Variants in C12orf42 observed in about 807,000 individuals in gnomAD.
C12orf42 encodes the protein chromosome 12 open reading frame 42, also known as uncharacterized protein C12orf42.
A neutral mutation model predicts 21.6 loss-of-function variants in C12orf42; 25 were observed. That is an observed-to-expected ratio of 1.16 (90% CI 0.84 to 1.62). C12orf42 has a LOEUF of 1.62. Among genes scored for constraint, C12orf42 ranks in the 40% most tolerant of loss-of-function variants. The pLI is 0.00. For synonymous variants in C12orf42, 174 were observed against 175.0 expected, an observed-to-expected ratio of 0.99 and a Z score of 0.05; for missense variants, 483 against 459.3, an observed-to-expected ratio of 1.05 and a Z score of -0.47.
chr12:103,216,771 A>G, the C12orf42 span, among the ~76,000 whole-genome samples: 1 of 152,152 alleles, frequency 6.6e-6, no homozygotes, highest in Non-Finnish European at 1.5e-5. Context: ...CCCAGAGATC[A>G]TGTCCATTCC....
At chr12:103,200,657 G>T in the C12orf42 span, among the ~76,000 whole-genome samples, 1 of 152,226 alleles carries the variant, frequency 6.6e-6, no homozygotes, top group African/African-American at 2.4e-5. Context: ...ATTATTTAAT[G>T]CAGTAAACAT....
the C12orf42 span, among the ~76,000 whole-genome samples, chr12:103,210,102 A>G: frequency 1.6e-4 from 24 of 148,882 alleles, no homozygotes; most frequent in Non-Finnish European, 2.8e-4. Context: ...GACATTTTCT[A>G]TTGTGTTTCT....
the C12orf42 span, among the ~76,000 whole-genome samples, chr12:103,218,639 G>A: frequency 1.3e-5 from 2 of 152,246 alleles, no homozygotes; most frequent in Non-Finnish European, 1.5e-5. Flanking sequence ...TTGAATTGTG[G>A]AGTCAGGCTG....
chr12:103,448,995 A>G (rs10861017), intron 2 of C12orf42, among the ~76,000 whole-genome samples: 123,899 of 151,848 alleles, frequency 0.82, 50,697 homozygotes, highest in Admixed American at 0.87. Flanking sequence ...ACTTGCACAC[A>G]CATGTTTATA....
At chr12:103,397,414 C>T (rs2047627492) in intron 3 of C12orf42, among the ~76,000 whole-genome samples, 1 of 152,198 alleles carries the variant, frequency 6.6e-6, no homozygotes. Flanking sequence ...CACCTGATCT[C>T]TGCCTCCTGT....
upstream of C12orf42, among the ~76,000 whole-genome samples, chr12:103,500,955 T>TCTTTGAA (rs2138288358): frequency 6.6e-6 from 1 of 152,338 alleles, no homozygotes; most frequent in African/African-American, 2.4e-5. Context: ...AGACATAATG[T>TCTTTGAA]CTTTGAATCC....
At chr12:103,555,318 G>C in the C12orf42 span, among the ~76,000 whole-genome samples, 1 of 152,070 alleles carries the variant, frequency 6.6e-6, no homozygotes, top group Non-Finnish European at 1.5e-5. Flanking sequence ...AGGCAGAGAG[G>C]GAGCTTGTGC....
chr12:103,521,769 T>C, the C12orf42 span, among the ~76,000 whole-genome samples: 2 of 152,208 alleles, frequency 1.3e-5, no homozygotes, highest in African/African-American at 4.8e-5. Flanking sequence ...AATATCGTCT[T>C]TGTCTTGCTT....
chr12:103,270,263 G>C (rs531601486), intron 5 of C12orf42: 1 of 151,704 alleles, frequency 6.6e-6, no homozygotes, highest in African/African-American at 2.4e-5. Context: ...ATGAGTTTGA[G>C]AGGATCAGGA....
intron 4 of C12orf42, among the ~76,000 whole-genome samples, chr12:103,368,393 C>T (rs1331891921): frequency 1.3e-5 from 2 of 151,714 alleles, no homozygotes; most frequent in Non-Finnish European, 2.9e-5. Context: ...GCCTACCTCC[C>T]CTGCCACACA....
At chr12:103,525,331 T>A in the C12orf42 span, among the ~76,000 whole-genome samples, 1 of 152,130 alleles carries the variant, frequency 6.6e-6, no homozygotes, top group Admixed American at 6.6e-5. Context: ...CACCTGGCTA[T>A]GAAATTCTGG....
chr12:103,280,004 C>A (rs1035857001), intron 4 of C12orf42, among the ~76,000 whole-genome samples: 1 of 152,118 alleles, frequency 6.6e-6, no homozygotes, highest in African/African-American at 2.4e-5. Context: ...CAACTGTTTA[C>A]TGAACACTGA....
chr12:103,494,087 G>A lies in C12orf42; in HGVS notation c.-22+1815C>T, dbSNP rs112140736. ...TCTCATTGTAAGTTTGCATAGCAAG[G>A]ATCTAAGACAAGTTTTAAAATAAAA... is the stretch of plus-strand genomic sequence containing the variant. On this transcript the variant is annotated intron_variant, in intron 1 of 5. Transcript: ENST00000548883. Among the ~76,000 whole-genome samples, 1,428 of 152,286 alleles carry A rather than the reference G, an allele frequency of 9.4e-3. 22 individuals carry two copies. Among genetic ancestry groups the A allele is most frequent in the African/African-American group, 0.032 (1,341 of 41,544 alleles).
chr12:103,531,568 A>G, the C12orf42 span, among the ~76,000 whole-genome samples: 2 of 152,232 alleles, frequency 1.3e-5, no homozygotes. Flanking sequence ...ATTTCCTCCC[A>G]GCTCATGATT....
At chr12:103,443,266 A>G (rs1262493288) in intron 2 of C12orf42, among the ~76,000 whole-genome samples, 1 of 152,142 alleles carries the variant, frequency 6.6e-6, no homozygotes, top group Non-Finnish European at 1.5e-5. Context: ...CAGAAGAGGA[A>G]ACTGATACAG....
At chr12:103,226,306 A>G in the C12orf42 span, among the ~76,000 whole-genome samples, 1 of 152,186 alleles carries the variant, frequency 6.6e-6, no homozygotes. Context: ...GAGGTTAATT[A>G]AGTCCTGTTG....
chr12:103,310,228 T>C (rs572323672), intron 4 of C12orf42, among the ~76,000 whole-genome samples: 4 of 152,092 alleles, frequency 2.6e-5, no homozygotes, highest in Non-Finnish European at 5.9e-5. Context: ...TTTAAAAGTG[T>C]GTGGCACCTC....
chr12:103,350,320 C>A (rs1162101998), intron 4 of C12orf42, among the ~76,000 whole-genome samples: 1 of 152,126 alleles, frequency 6.6e-6, no homozygotes, highest in African/African-American at 2.4e-5. Flanking sequence ...GTGAATCACC[C>A]CTTTGTCCAG....
upstream of C12orf42, among the ~76,000 whole-genome samples, chr12:103,499,436 T>C (rs976723014): frequency 1.3e-5 from 2 of 152,192 alleles, no homozygotes; most frequent in Admixed American, 6.5e-5. Context: ...AGGAAAGTTA[T>C]CACAGTATGA....
Sources: gnomAD v4.1 joint callset for allele counts (sites outside exome capture counted in the v4.1 genomes callset) on GRCh38, gnomAD v4.1.1 for gene constraint, MANE v1.5 for transcripts, NCBI Gene and HGNC (gene_info 2026-07-23, HGNC 2026-07-21) for gene names.